The following GARNL3 variants were observed in gnomAD, a reference collection of about 807,000 sequenced individuals.
GARNL3 encodes the protein GTPase activating Rap/RanGAP domain like 3.
GARNL3 carries 63 observed loss-of-function variants against 125.0 expected under a neutral mutation model. The observed-to-expected ratio is 0.50, with a 90% confidence interval of 0.41 to 0.62. GARNL3 has a LOEUF of 0.62. GARNL3 is among the 20% of genes least tolerant of loss of function. The probability of loss-of-function intolerance (pLI) is 0.00; values close to 1 mark genes in which losing one functional copy is unlikely to be tolerated. For synonymous variants in GARNL3, 439 were observed against 457.5 expected (o/e 0.96, Z 0.52); for missense variants, 994 against 1,244.0 (o/e 0.80, Z 3.02).
At chr9:127,334,373 G>T (rs539471380) in intron 9 of GARNL3, among the ~76,000 whole-genome samples, 1 of 152,170 alleles carries the variant, frequency 6.6e-6, no homozygotes, top group African/African-American at 2.4e-5. Flanking sequence ...GATAGGCTTC[G>T]AGTGCAGGTC....
Position 127,268,319 on chromosome 9 carries a change from A to G in GARNL3, c.144+3298A>G, listed in dbSNP as rs78876686. 5.6e-3 allele frequency among the ~76,000 whole-genome samples: 860 copies of G among 152,262 alleles called. 23 individuals are homozygous for G. The East Asian group carries it at 0.086, about 15-fold the overall frequency. On this transcript the variant is annotated intron_variant, in intron 1 of 27. Coordinates refer to ENST00000373387, the MANE Select transcript of GARNL3 (RefSeq NM_032293.5). ...GGTCAAGTATAAAGCAATTCACTGAAAGGATATGGGTGAATCTCACGGGAG... is the reference window on the plus strand; with the variant it reads ...GGTCAAGTATAAAGCAATTCACTGAGAGGATATGGGTGAATCTCACGGGAG...
chr9:127,344,172 A>G lies in GARNL3; in HGVS notation c.1252-63A>G, dbSNP rs964399462. 5 of 1,147,518 alleles carry G rather than the reference A, an allele frequency of 4.4e-6. No homozygotes were observed. In the African/African-American group the frequency reaches 7.8e-5, roughly 18 times the overall value. 71.1% of individuals were successfully genotyped at this position (1,147,518 alleles called of 1,614,324 possible). A position where few individuals can be genotyped will look rare whatever the true frequency, so the allele number is the denominator to read the frequency against. ...TGGATAAATAGTTTTGTGCACTATGAGAAGCCAAAAGATGAGACTTAACAA... is the reference window on the plus strand; with the variant it reads ...TGGATAAATAGTTTTGTGCACTATGGGAAGCCAAAAGATGAGACTTAACAA... On this transcript the variant is annotated intron_variant, in intron 14 of 27. Coordinates refer to ENST00000373387, the MANE Select transcript of GARNL3 (RefSeq NM_032293.5).
At chr9:127,347,857 A>G (rs1349053279) in intron 16 of GARNL3, among the ~76,000 whole-genome samples, 1 of 152,080 alleles carries the variant, frequency 6.6e-6, no homozygotes, top group Admixed American at 6.5e-5. Context: ...CCATCTTAGC[A>G]ATTGGAATAT....
chr9:127,323,898 CA>C (rs1255696509), intron 6 of GARNL3, among the ~76,000 whole-genome samples: 1 of 152,182 alleles, frequency 6.6e-6, no homozygotes. Context: ...CAGTGACATG[CA>C]AACATAATGT....
chr9:127,322,550 T>C (rs1392857348), intron 6 of GARNL3, among the ~76,000 whole-genome samples: 1 of 152,226 alleles, frequency 6.6e-6, no homozygotes, highest in Non-Finnish European at 1.5e-5. Context: ...TTTGTGAACT[T>C]TCCCCTTGTC....
At chr9:127,374,755 T>G (rs965413251) in intron 22 of GARNL3, among the ~76,000 whole-genome samples, 1 of 152,086 alleles carries the variant, frequency 6.6e-6, no homozygotes, top group Non-Finnish European at 1.5e-5. Context: ...TCAATATCAT[T>G]AGCTATTAGG....
At chr9:127,236,676 G>T (rs969984401) in intron 1 of GARNL3, among the ~76,000 whole-genome samples, 1 of 152,074 alleles carries the variant, frequency 6.6e-6, no homozygotes. Context: ...CCCCTGCTTC[G>T]GCCTCTCAAA....
At chr9:127,389,921 TAAAAAAAAAAAAA>T (rs1169168184) in intron 26 of GARNL3, among the ~76,000 whole-genome samples, 1 of 78,686 alleles carries the variant, frequency 1.3e-5, no homozygotes, top group Non-Finnish European at 2.4e-5. Flanking sequence ...ACCCTGTCTT[TAAAAAAAAAAAAA>T]AAAAAAAAAA....
intron 22 of GARNL3, among the ~76,000 whole-genome samples, chr9:127,370,907 C>T (rs1272006564): frequency 2.6e-5 from 4 of 152,228 alleles, no homozygotes; most frequent in Admixed American, 2.6e-4. Context: ...CTGCTGAACT[C>T]TGCACCAATG....
At chr9:127,317,136 G>A (rs1037764545) in intron 4 of GARNL3, among the ~76,000 whole-genome samples, 1 of 152,180 alleles carries the variant, frequency 6.6e-6, no homozygotes. Context: ...TTCCTGGGTG[G>A]TGTGGACGGG....
chr9:127,239,693 G>A (rs1197607537), intron 1 of GARNL3, among the ~76,000 whole-genome samples: 2 of 152,142 alleles, frequency 1.3e-5, no homozygotes, highest in Admixed American at 1.3e-4. Flanking sequence ...AAATATGTCA[G>A]AAGGTTAAGA....
chr9:127,288,904 G>A (rs1011941995), intron 1 of GARNL3, among the ~76,000 whole-genome samples: 3 of 152,154 alleles, frequency 2.0e-5, no homozygotes, highest in African/African-American at 4.8e-5. Flanking sequence ...AGGGTAACAA[G>A]TAAGGGGAGG....
intron 22 of GARNL3, among the ~76,000 whole-genome samples, chr9:127,376,792 G>GT (rs1831943170): frequency 6.6e-6 from 1 of 152,170 alleles, no homozygotes; most frequent in Non-Finnish European, 1.5e-5. Context: ...GACTGAGTCA[G>GT]TAAGTATAGA....
In GARNL3 at chr9:127,336,141, G is replaced by A. The variant is rs1332708016; in HGVS notation, c.887G>A (p.Arg296His). 3 of 1,613,098 alleles carry A rather than the reference G, an allele frequency of 1.9e-6. No individual in the cohort carries two copies. Among genetic ancestry groups the A allele is most frequent in the East Asian group, 2.2e-5 (1 of 44,880 alleles). Residue 296 changes from arginine to histidine, a missense_variant, in exon 11 of 28, where the codon CGC becomes CAC. Arg to His is a conservative substitution (Grantham distance 29). Coordinates refer to ENST00000373387, the MANE Select transcript of GARNL3 (RefSeq NM_032293.5). ...TGCTCACTACAGGTGGAAAGGAAACGCCACATTGGAAACGATATCGTCACC... is the reference window on the plus strand; with the variant it reads ...TGCTCACTACAGGTGGAAAGGAAACACCACATTGGAAACGATATCGTCACC... ...KENKQQVERK[R>H]HIGNDIVTIV...
chr9:127,359,046 T>G (rs1216424707), intron 21 of GARNL3, among the ~76,000 whole-genome samples: 1 of 151,540 alleles, frequency 6.6e-6, no homozygotes, highest in African/African-American at 2.4e-5. Context: ...GGAGAAGGAG[T>G]GGGTCCTGAA....
chr9:127,373,667 T>C (rs1244810627), intron 22 of GARNL3, among the ~76,000 whole-genome samples: 1 of 152,172 alleles, frequency 6.6e-6, no homozygotes, highest in African/African-American at 2.4e-5. Flanking sequence ...TAAGACATGG[T>C]CCATCACCCC....
chr9:127,360,402 T>A (rs527795173), intron 21 of GARNL3, among the ~76,000 whole-genome samples: 1 of 152,210 alleles, frequency 6.6e-6, no homozygotes, highest in South Asian at 2.1e-4. Flanking sequence ...AGCCCTCCCG[T>A]GGTAGAATGG....
At chr9:127,313,316 G>A (rs2065144605) in intron 3 of GARNL3, 125 bp from the exon 4 acceptor site, 2 of 741,274 alleles carry the variant, frequency 2.7e-6, no homozygotes, top group Admixed American at 3.6e-5. Flanking sequence ...TCCATCCCAA[G>A]CTGGCTTTGG....
In GARNL3 at chr9:127,316,557, A is replaced by G. The variant is rs1380647585; in HGVS notation, c.439-1506A>G. Among the ~76,000 whole-genome samples the G allele has an allele frequency of 5.3e-5, 8 of 152,286 alleles. No individual in the cohort carries two copies. The East Asian group carries it at 1.4e-3, about 26-fold the overall frequency. On this transcript the variant is annotated intron_variant, in intron 4 of 27. Transcript: ENST00000373387. ...AAGAACTCGGGTTTCAATGGGAAGG[A>G]CCTGTAGAATCAGAAAACGTGTATT...
Sources: allele counts gnomAD v4.1 joint callset (sites outside exome capture counted in the v4.1 genomes callset), GRCh38; gene constraint gnomAD v4.1.1; transcripts MANE v1.5; gene names NCBI Gene and HGNC (gene_info 2026-07-23, HGNC 2026-07-21).